The following FAM13A variants were observed in gnomAD, a reference collection of about 807,000 sequenced individuals.
FAM13A encodes family with sequence similarity 13 member A, also known as protein FAM13A.
FAM13A carries 76 observed loss-of-function variants against 129.6 expected under a neutral mutation model. The observed-to-expected ratio is 0.59, with a 90% CI of 0.49 to 0.71. The LOEUF is 0.71. Among genes scored for constraint, FAM13A ranks in the 30% least tolerant of loss-of-function variants. FAM13A has a pLI of 0.00. For missense variants in FAM13A, 1,108 were observed against 1,249.3 expected (o/e 0.89, Z 1.70); for synonymous variants, 443 against 449.9 (o/e 0.98, Z 0.20).
chr4:89,029,706 T>C, intron 1 of FAM13A, 57 bp from the exon 2 acceptor site: 1 of 1,426,470 alleles, frequency 7.0e-7, no homozygotes, highest in Non-Finnish European at 9.7e-7. Flanking sequence ...GGAGGTTGCA[T>C]GGTTACAACA....
At chr4:88,775,734 A>G (rs1191858883) in intron 11 of FAM13A, among the ~76,000 whole-genome samples, 2 of 152,102 alleles carry the variant, frequency 1.3e-5, no homozygotes, top group Non-Finnish European at 1.5e-5. Context: ...TGAAACTAAC[A>G]AGTACAGACT....
intron 1 of FAM13A, among the ~76,000 whole-genome samples, chr4:89,041,038 G>T (rs1231204566): frequency 6.6e-6 from 1 of 152,178 alleles, no homozygotes; most frequent in Non-Finnish European, 1.5e-5. Context: ...TGGACCCCTG[G>T]ATTTTCCAGG....
At chr4:88,731,176 C>T in intron 23 of FAM13A, 151 bp downstream of exon 23, 1 of 576,408 alleles carries the variant, frequency 1.7e-6, no homozygotes, top group Non-Finnish European at 3.1e-6. Flanking sequence ...CTCTAAGTGT[C>T]CCTGGGCACA....
At chr4:88,993,082 G>A (rs909648446) in intron 3 of FAM13A, among the ~76,000 whole-genome samples, 2 of 152,166 alleles carry the variant, frequency 1.3e-5, no homozygotes. Flanking sequence ...CAGAATGAAG[G>A]CTCAAGTCAT....
In FAM13A at chr4:88,747,017, T is replaced by G; in HGVS notation, c.2383-2A>C. The stretch of plus-strand genomic sequence containing the variant: ...AGCAATCTGGTCTTTGGTCATATCC[T>G]GTATAAACACAGGGATAGAGAATTG... On this transcript the variant is annotated splice_acceptor_variant, in intron 18 of 23. Coordinates refer to ENST00000264344, the MANE Select transcript of FAM13A (RefSeq NM_014883.4). LOFTEE classifies it high-confidence loss of function. 6.3e-7 allele frequency: 1 copy of G among 1,591,990 alleles called. No individual in the cohort carries two copies. Among genetic ancestry groups the G allele is most frequent in the South Asian group, 1.1e-5 (1 of 90,500 alleles).
At chr4:89,001,894 C>T (rs959241842) in intron 3 of FAM13A, among the ~76,000 whole-genome samples, 10 of 152,148 alleles carry the variant, frequency 6.6e-5, no homozygotes, top group Admixed American at 1.3e-4. Flanking sequence ...CCTATTATTA[C>T]GGTGGTTTTC....
chr4:89,029,747 T>C, intron 1 of FAM13A, 98 bp from the exon 2 acceptor site: 2 of 988,884 alleles, frequency 2.0e-6, no homozygotes, highest in Admixed American at 2.2e-5. Flanking sequence ...TGTTTGAAGA[T>C]GAATAGTTGT....
intron 8 of FAM13A, among the ~76,000 whole-genome samples, chr4:88,803,485 C>T (rs1727936317): frequency 6.6e-6 from 1 of 152,142 alleles, no homozygotes; most frequent in Non-Finnish European, 1.5e-5. Flanking sequence ...CATTCGTTGG[C>T]ATGAACCAGT....
intron 1 of FAM13A, among the ~76,000 whole-genome samples, chr4:89,047,828 T>A (rs1048566204): frequency 6.6e-6 from 1 of 152,036 alleles, no homozygotes; most frequent in Non-Finnish European, 1.5e-5. Context: ...ATGACACAAC[T>A]AAGAAACAGG....
intron 7 of FAM13A, among the ~76,000 whole-genome samples, chr4:88,820,787 T>C (rs1731738648): frequency 6.6e-6 from 1 of 152,186 alleles, no homozygotes; most frequent in African/African-American, 2.4e-5. Context: ...CAGGAAGGAT[T>C]TGATTTGAAA....
At chr4:88,926,210 C>T (rs1222804838) in intron 5 of FAM13A, among the ~76,000 whole-genome samples, 1 of 152,074 alleles carries the variant, frequency 6.6e-6, no homozygotes, top group African/African-American at 2.4e-5. Flanking sequence ...CAGTTTTCAG[C>T]CATGGGTAAG....
chr4:88,956,252 T>C (rs1203781076), intron 4 of FAM13A, among the ~76,000 whole-genome samples: 7 of 152,224 alleles, frequency 4.6e-5, no homozygotes, highest in African/African-American at 1.4e-4. Flanking sequence ...TATATCACAT[T>C]TTTCTGTACT....
intron 8 of FAM13A, among the ~76,000 whole-genome samples, chr4:88,803,404 T>C (rs1270922716): frequency 6.6e-6 from 1 of 152,216 alleles, no homozygotes; most frequent in Non-Finnish European, 1.5e-5. Flanking sequence ...AAATATATTA[T>C]TGATTTTCTT....
intron 19 of FAM13A, among the ~76,000 whole-genome samples, chr4:88,745,167 C>CTGTG (rs34167827): frequency 2.6e-5 from 4 of 151,004 alleles, no homozygotes; most frequent in Admixed American, 6.6e-5. Flanking sequence ...AGATAAACGT[C>CTGTG]TGTGTGTGTG....
intron 7 of FAM13A, among the ~76,000 whole-genome samples, chr4:88,819,614 T>C (rs1258095304): frequency 3.3e-5 from 5 of 152,188 alleles, no homozygotes. Flanking sequence ...AAACAGATTA[T>C]CTCATTAGTG....
intron 19 of FAM13A, among the ~76,000 whole-genome samples, chr4:88,745,060 G>T (rs117940476): frequency 1.3e-5 from 2 of 152,278 alleles, no homozygotes; most frequent in East Asian, 3.9e-4. Context: ...ACGTGTAATT[G>T]TAACAGAGGT....
At chr4:88,910,354 TATC>T (rs1186501867) in intron 5 of FAM13A, among the ~76,000 whole-genome samples, 4 of 152,124 alleles carry the variant, frequency 2.6e-5, no homozygotes, top group African/African-American at 9.7e-5. Flanking sequence ...AAAAATACCT[TATC>T]ATGGTTTCTT....
At chr4:88,924,243 C>T (rs1751693353) in intron 5 of FAM13A, among the ~76,000 whole-genome samples, 1 of 152,132 alleles carries the variant, frequency 6.6e-6, no homozygotes, top group Non-Finnish European at 1.5e-5. Context: ...CCCGCATCGC[C>T]AAGTCAATCC....
intron 4 of FAM13A, among the ~76,000 whole-genome samples, chr4:88,989,256 T>C (rs1762647707): frequency 6.6e-6 from 1 of 151,878 alleles, no homozygotes; most frequent in South Asian, 2.1e-4. Flanking sequence ...GACTGATCTA[T>C]TAGGTAAATG....
Sources: gnomAD v4.1 joint callset for allele counts (sites outside exome capture counted in the v4.1 genomes callset) on GRCh38, gnomAD v4.1.1 for gene constraint, MANE v1.5 for transcripts, NCBI Gene and HGNC (gene_info 2026-07-23, HGNC 2026-07-21) for gene names.